Variants in UGT8 observed in about 807,000 individuals in gnomAD.
The protein encoded by UGT8 is 2-hydroxyacylsphingosine 1-beta-galactosyltransferase.
In UGT8, 12 loss-of-function variants were observed where a neutral mutation model predicts 40.5. The ratio of observed to expected loss-of-function variants is 0.30; its 90% CI spans 0.19 to 0.48. UGT8 has a LOEUF of 0.48. Ranked by LOEUF, UGT8 falls within the 20% of genes least tolerant of loss-of-function variation. The pLI is 0.99. For missense variants in UGT8, 513 were observed against 648.7 expected (o/e 0.79, Z 2.27); for synonymous variants, 224 against 240.4 (o/e 0.93, Z 0.63).
chr4:114,663,986 GATTT>G lies in UGT8; in HGVS notation c.823-7_823-4del. ...TTCGTAAAACTTACTGCCATGTTTT[GATTT>G]ACAGGATCTCCAAAGATGGGTAAAT... On this transcript the variant is annotated splice_polypyrimidine_tract_variant and splice_region_variant and intron_variant, in intron 2 of 5. Transcript: ENST00000310836. The G allele has an allele frequency of 6.2e-7, 1 of 1,613,122 alleles. No homozygotes were observed. The highest frequency in any genetic ancestry group is 8.5e-7 in the Non-Finnish European group (1 of 1,179,532).
intron 1 of UGT8, among the ~76,000 whole-genome samples, chr4:114,615,378 A>G (rs1731341797): frequency 6.6e-6 from 1 of 152,190 alleles, no homozygotes; most frequent in Non-Finnish European, 1.5e-5. Flanking sequence ...TCAAAGCAAT[A>G]GGGTGACCAG....
rs60533468 is a variant in UGT8 at position 114,611,403 on chromosome 4, CATATATATATAT to C, written c.-2-11444_-2-11433del. Among the ~76,000 whole-genome samples the C allele has an allele frequency of 2.7e-3, 290 of 106,260 alleles. 1 individual carries two copies. The highest frequency in any genetic ancestry group is 5.9e-3 in the South Asian group (23 of 3,896). The allele number at this position is 106,260 out of a possible 152,430, so 69.7% of individuals were successfully genotyped here. A position where few individuals can be genotyped will look rare whatever the true frequency, so the allele number is the denominator to read the frequency against. Reference sequence around the variant, plus strand: ...GTAGGATAACATAGCCATATATATCCATATATATATATATATATATATATATATATATATATA... The same window carrying C: ...GTAGGATAACATAGCCATATATATCCATATATATATATATATATATATATA... On this transcript the variant is annotated intron_variant, in intron 1 of 5. Coordinates refer to ENST00000310836, the MANE Select transcript of UGT8 (RefSeq NM_001128174.3).
Position 114,676,380 on chromosome 4 carries a change from A to G in UGT8, c.*92A>G, listed in dbSNP as rs368895157. On this transcript the variant is annotated 3_prime_UTR_variant, in exon 6 of 6. Coordinates refer to ENST00000310836, the MANE Select transcript of UGT8 (RefSeq NM_001128174.3). ...TAACAGCTACTAAAAGTAAAACATC[A>G]GTAAACAATTCTAACATGCCCTTAT... 13 of 1,116,038 alleles carry G rather than the reference A, an allele frequency of 1.2e-5. No homozygotes were observed. The highest frequency in any genetic ancestry group is 8.1e-5 in the South Asian group (5 of 62,086). 69.1% of individuals were successfully genotyped at this position (1,116,038 alleles called of 1,614,324 possible).
intron 2 of UGT8, among the ~76,000 whole-genome samples, chr4:114,660,689 A>C (rs1734463250): frequency 6.6e-6 from 1 of 151,990 alleles, no homozygotes; most frequent in Non-Finnish European, 1.5e-5. Flanking sequence ...TCAGGAGATC[A>C]AGACCATCCT....
chr4:114,648,658 A>G (rs77806916), intron 2 of UGT8, among the ~76,000 whole-genome samples: 3,178 of 152,318 alleles, frequency 0.021, 60 homozygotes, highest in Non-Finnish European at 0.032. Flanking sequence ...TTTAAAGGAA[A>G]GAAAAGAATG....
intron 4 of UGT8, among the ~76,000 whole-genome samples, chr4:114,666,723 T>C (rs1229217645): frequency 1.3e-5 from 2 of 152,138 alleles, no homozygotes; most frequent in East Asian, 1.9e-4. Context: ...CCATTTCTTA[T>C]TGTTTTTCTT....
At chr4:114,663,077 C>A (rs780882943) in intron 2 of UGT8, among the ~76,000 whole-genome samples, 30 of 151,928 alleles carry the variant, frequency 2.0e-4, no homozygotes, top group Non-Finnish European at 3.2e-4. Flanking sequence ...CCTGCCTTGG[C>A]CTCCCAAAGT....
intron 2 of UGT8, among the ~76,000 whole-genome samples, chr4:114,625,782 G>A (rs1160143699): frequency 1.3e-5 from 2 of 151,942 alleles, no homozygotes; most frequent in South Asian, 2.1e-4. Flanking sequence ...TGTTTTACAT[G>A]AAAAACATCT....
chr4:114,635,363 AT>A lies in UGT8; in HGVS notation c.822+11663del. Among the ~76,000 whole-genome samples, 2 of 152,104 alleles carry A rather than the reference AT, an allele frequency of 1.3e-5. 1 individual carries two copies. The highest frequency in any genetic ancestry group is 4.1e-4 in the South Asian group (2 of 4,824). On this transcript the variant is annotated intron_variant, in intron 2 of 5. Coordinates refer to ENST00000310836, the MANE Select transcript of UGT8 (RefSeq NM_001128174.3). Reference sequence around the variant, plus strand: ...GAGATTCTGTCTCAAAAAAAAAAAAATTCAAGCCACCATATTATTTGATTTT... The same window carrying A: ...GAGATTCTGTCTCAAAAAAAAAAAAATCAAGCCACCATATTATTTGATTTT...
At chr4:114,627,582 G>A (rs192701743) in intron 2 of UGT8, among the ~76,000 whole-genome samples, 432 of 152,172 alleles carry the variant, frequency 2.8e-3, no homozygotes, top group Non-Finnish European at 4.6e-3. Flanking sequence ...AATATTAAAT[G>A]TGAATGAAAT....
At chr4:114,625,579 C>T (rs1354161508) in intron 2 of UGT8, among the ~76,000 whole-genome samples, 1 of 145,698 alleles carries the variant, frequency 6.9e-6, no homozygotes, top group Non-Finnish European at 1.5e-5. Context: ...CCAGTTCCTG[C>T]TGTATATTTG....
chr4:114,659,100 A>T (rs1322258147), intron 2 of UGT8, among the ~76,000 whole-genome samples: 1 of 152,204 alleles, frequency 6.6e-6, no homozygotes, highest in Non-Finnish European at 1.5e-5. Flanking sequence ...TAGGATAAGA[A>T]ATCTGGCAAT....
chr4:114,600,380 G>T (rs1730369775), intron 1 of UGT8, among the ~76,000 whole-genome samples: 1 of 152,088 alleles, frequency 6.6e-6, no homozygotes, highest in Non-Finnish European at 1.5e-5. Flanking sequence ...ATGCCAAATT[G>T]TTATCATTTC....
intron 1 of UGT8, among the ~76,000 whole-genome samples, chr4:114,614,337 G>A (rs1383558261): frequency 1.3e-5 from 2 of 152,060 alleles, no homozygotes; most frequent in Non-Finnish European, 2.9e-5. Context: ...TATTCCTAAT[G>A]GTCTCTTCCT....
intron 1 of UGT8, among the ~76,000 whole-genome samples, chr4:114,599,554 C>T (rs1460830617): frequency 2.0e-5 from 3 of 152,234 alleles, no homozygotes; most frequent in Admixed American, 6.5e-5. Flanking sequence ...CGGGGCCCGC[C>T]GTTTCCGCGT....
At chr4:114,639,160 A>G (rs1282198531) in intron 2 of UGT8, among the ~76,000 whole-genome samples, 1 of 152,160 alleles carries the variant, frequency 6.6e-6, no homozygotes, top group Admixed American at 6.5e-5. Flanking sequence ...TGTCCTTTCC[A>G]TTTGTGAAAG....
chr4:114,631,493 A>G (rs1732572335), intron 2 of UGT8, among the ~76,000 whole-genome samples: 1 of 152,226 alleles, frequency 6.6e-6, no homozygotes. Context: ...TCTCAACAAA[A>G]ACAACAATAA....
At chr4:114,669,591 G>A (rs1255278812) in intron 5 of UGT8, among the ~76,000 whole-genome samples, 6 of 152,154 alleles carry the variant, frequency 3.9e-5, no homozygotes, top group African/African-American at 1.4e-4. Context: ...TTCACAGGAA[G>A]TTAGTCCAGC....
chr4:114,668,108 C>A lies in UGT8; in HGVS notation c.1066C>A (p.Leu356Met), dbSNP rs201757511. 3 of 1,613,502 alleles carry A rather than the reference C, an allele frequency of 1.9e-6. No individual in the cohort carries two copies. The highest frequency in any genetic ancestry group is 3.3e-4 in the Middle Eastern group (2 of 6,060). ...AGGGCATTCAAAGATTAAAGCCTTC[C>A]TGAGCCATGGTGGTTTGAACAGTAT... ...LLGHSKIKAF[L>M]SHGGLNSIFE... is the part of the protein sequence containing the mutation. The change falls in exon 5 of 6, where the codon CTG becomes ATG. Residue 356 changes from leucine (L) to methionine (M), a missense_variant. By Grantham distance (15) the Leu-to-Met change is conservative. Around this residue, in one of 3 missense-constraint regions of UGT8, gnomAD observed 335 missense variants for 444.8 expected, o/e 0.75. Transcript: ENST00000310836.
Sources: gnomAD v4.1 joint callset for allele counts (sites outside exome capture counted in the v4.1 genomes callset) on GRCh38, gnomAD v4.1.1 for gene constraint, gnomAD v4.1.1 regional missense constraint, MANE v1.5 for transcripts, NCBI Gene and HGNC (gene_info 2026-07-23, HGNC 2026-07-21) for gene names.